The following NKD1 variants were observed in gnomAD, a reference collection of about 807,000 sequenced individuals.
NKD1 encodes NKD inhibitor of Wnt signaling pathway 1.
A neutral mutation model predicts 56.0 loss-of-function variants in NKD1; 21 were observed. The ratio of observed to expected loss-of-function variants is 0.38; its 90% CI spans 0.27 to 0.54. The LOEUF (loss-of-function observed/expected upper bound fraction) is 0.54. Ranked by LOEUF, NKD1 falls within the 20% of genes least tolerant of loss-of-function variation. The probability of loss-of-function intolerance (pLI) is 0.82; values close to 1 mark genes in which losing one functional copy is unlikely to be tolerated. For synonymous variants in NKD1, 263 were observed against 265.7 expected (o/e 0.99, Z 0.10); for missense variants, 578 against 642.7 (o/e 0.90, Z 1.09).
In NKD1 at chr16:50,598,567, G is replaced by A. The variant is rs1961527244; in HGVS notation, c.193-9727G>A. Among the ~76,000 whole-genome samples the A allele has an allele frequency of 6.6e-6, 1 of 152,158 alleles. No homozygotes were observed. ...CAGCCTGGCTCAGGGCCACCCTGTC[G>A]GCAGGTCACACGTGCTAGACCCTGG... On this transcript the variant is annotated intron_variant, in intron 3 of 9. Coordinates refer to ENST00000268459, the MANE Select transcript of NKD1 (RefSeq NM_033119.5). This position sits in a 1 kb window ranked among gnomAD's most constrained non-coding sequence, Gnocchi z 4.2.
intron 3 of NKD1, among the ~76,000 whole-genome samples, chr16:50,562,988 C>CG (rs1404868792): frequency 9.8e-6 from 1 of 101,844 alleles, no homozygotes; most frequent in Non-Finnish European, 2.0e-5. Context: ...CCACCACCAC[C>CG]CCCCCCCCCC....
chr16:50,625,263 C>A, intron 5 of NKD1: 1 of 585,464 alleles, frequency 1.7e-6, no homozygotes. Context: ...ACCAGGCACC[C>A]CTGCAGGCAT....
At chr16:50,573,869 C>CG (rs1960937487) in intron 3 of NKD1, 2 of 985,044 alleles carry the variant, frequency 2.0e-6, no homozygotes, top group Admixed American at 1.2e-4. Flanking sequence ...GGAGCAGGGG[C>CG]GGGGGTGAGG....
intron 4 of NKD1, among the ~76,000 whole-genome samples, chr16:50,621,369 G>A (rs1002624273): frequency 1.3e-5 from 2 of 152,232 alleles, no homozygotes; most frequent in African/African-American, 2.4e-5. Context: ...GTGGGGGCCT[G>A]AGGGGGCCCC....
chr16:50,568,653 T>C (rs554071884), intron 3 of NKD1, among the ~76,000 whole-genome samples: 42 of 152,328 alleles, frequency 2.8e-4, no homozygotes, highest in African/African-American at 9.1e-4. Context: ...GCCGGCGCAC[T>C]GGGAGGTTTG....
At position 50,623,951 on chromosome 16, in the gene NKD1, G is replaced by T. The variant is rs1277993967; in HGVS notation, c.367-1534G>T. Among the ~76,000 whole-genome samples, 1 of 152,104 alleles carries T rather than the reference G, an allele frequency of 6.6e-6. No individual in the cohort carries two copies. The highest frequency in any genetic ancestry group is 1.9e-4 in the East Asian group (1 of 5,188). ...GAGGGCCCTTGGCAGTTATCAAACG[G>T]GTGTGGCTGAAGCAAGGTTGGCTTT... On this transcript the variant is annotated intron_variant, in intron 5 of 9. Coordinates refer to ENST00000268459, the MANE Select transcript of NKD1 (RefSeq NM_033119.5). The surrounding 1 kb of genome is among the most constrained non-coding windows in gnomAD (Gnocchi z 4.1).
Position 50,598,267 on chromosome 16 carries a change from G to A in NKD1, c.193-10027G>A, listed in dbSNP as rs894727404. 5.9e-5 allele frequency among the ~76,000 whole-genome samples: 9 copies of A among 151,678 alleles called. No homozygotes were observed. Among genetic ancestry groups the A allele is most frequent in the African/African-American group, 1.2e-4 (5 of 41,240 alleles). ...TGTGTGTGTGTGTGTGTGTGTGCGC[G>A]CACACCTGTGCTCATGGACACTCTT... On this transcript the variant is annotated intron_variant, in intron 3 of 9. Coordinates refer to ENST00000268459, the MANE Select transcript of NKD1 (RefSeq NM_033119.5). This position sits in a 1 kb window ranked among gnomAD's most constrained non-coding sequence, Gnocchi z 4.2.
chr16:50,563,441 C>A (rs974753283), intron 3 of NKD1, among the ~76,000 whole-genome samples: 2 of 148,720 alleles, frequency 1.3e-5, no homozygotes, highest in African/African-American at 5.0e-5. Flanking sequence ...ATGGAGAAGA[C>A]CCTGTGTGTC....
In NKD1 at chr16:50,566,240, G is replaced by A. The variant is rs773719444; in HGVS notation, c.192+16685G>A. On this transcript the variant is annotated intron_variant, in intron 3 of 9. Transcript: ENST00000268459. The stretch of plus-strand genomic sequence containing the variant: ...TCTTGGCTTGTGTAACCAGGGAGTG[G>A]ACTTCAGTTACAGCTGGATCCACCA... The A allele has an allele frequency of 8.6e-4, 806 of 934,326 alleles. 1 individual carries two copies. The highest frequency in any genetic ancestry group is 1.0e-3 in the Non-Finnish European group (788 of 783,396). The allele number at this position is 934,326 out of a possible 1,614,324, so 57.9% of individuals were successfully genotyped here. A position where few individuals can be genotyped will look rare whatever the true frequency, so the allele number is the denominator to read the frequency against.
intron 3 of NKD1, among the ~76,000 whole-genome samples, chr16:50,562,674 A>C (rs1218267255): frequency 1.3e-5 from 2 of 152,176 alleles, no homozygotes; most frequent in Non-Finnish European, 2.9e-5. Flanking sequence ...AGCCTGAGTC[A>C]GAACCTTTCT....
intron 3 of NKD1, among the ~76,000 whole-genome samples, chr16:50,605,716 T>A (rs146889084): frequency 2.0e-5 from 3 of 152,354 alleles, no homozygotes; most frequent in Non-Finnish European, 4.4e-5. Flanking sequence ...ACCATTTATA[T>A]AAGGGACTTG....
chr16:50,556,265 GC>G lies in NKD1; in HGVS notation c.192+6713del. 3.3e-5 allele frequency: 5 copies of G among 152,464 alleles called. 1 individual carries two copies. The highest frequency in any genetic ancestry group is 3.3e-4 in the Admixed American group (5 of 15,308). The allele number at this position is 152,464 out of a possible 1,614,324, so 9.4% of individuals were successfully genotyped here. On this transcript the variant is annotated intron_variant, in intron 3 of 9. Coordinates refer to ENST00000268459, the MANE Select transcript of NKD1 (RefSeq NM_033119.5). ...CCTGGTGATGCTGCGCTCCTGCCAAGCCCAGGTGGGGTGGAGAACCTTTTCT... is the reference window on the plus strand; with the variant it reads ...CCTGGTGATGCTGCGCTCCTGCCAAGCCAGGTGGGGTGGAGAACCTTTTCT...
At chr16:50,618,654 G>C (rs975628113) in intron 4 of NKD1, among the ~76,000 whole-genome samples, 1 of 152,256 alleles carries the variant, frequency 6.6e-6, no homozygotes, top group Non-Finnish European at 1.5e-5. Flanking sequence ...GGTGGGGATA[G>C]AGAGTGCTGA....
At chr16:50,618,901 G>C (rs983614904) in intron 4 of NKD1, among the ~76,000 whole-genome samples, 1 of 152,202 alleles carries the variant, frequency 6.6e-6, no homozygotes, top group Non-Finnish European at 1.5e-5. Flanking sequence ...CTTCAGGTGA[G>C]GAGAAAGGAA....
chr16:50,624,972 A>T (rs986760647), intron 5 of NKD1, among the ~76,000 whole-genome samples: 14 of 152,124 alleles, frequency 9.2e-5, no homozygotes, highest in Admixed American at 2.6e-4. Flanking sequence ...CATTTTCCAT[A>T]ATGTATACAA....
intron 5 of NKD1, among the ~76,000 whole-genome samples, chr16:50,624,409 T>A (rs1184491046): frequency 1.3e-5 from 2 of 152,224 alleles, no homozygotes; most frequent in African/African-American, 4.8e-5. Flanking sequence ...GTTTCATTGA[T>A]TATTGATTGA....
chr16:50,553,428 C>A (rs867890799), intron 3 of NKD1: 1 of 152,216 alleles, frequency 6.6e-6, no homozygotes, highest in African/African-American at 2.4e-5. Flanking sequence ...GGCTGCCAGG[C>A]AGTTTGGTAA....
intron 3 of NKD1, among the ~76,000 whole-genome samples, chr16:50,567,245 G>A (rs1280712506): frequency 6.6e-6 from 1 of 152,198 alleles, no homozygotes; most frequent in East Asian, 1.9e-4. Flanking sequence ...TGAAGTGTTA[G>A]CATGCAGTGA....
intron 6 of NKD1, among the ~76,000 whole-genome samples, chr16:50,629,344 A>G (rs555017928): frequency 1.3e-5 from 2 of 152,284 alleles, no homozygotes; most frequent in South Asian, 2.1e-4. Context: ...CTTACTCCGA[A>G]TACAATCACA....
Sources: allele counts gnomAD v4.1 joint callset (sites outside exome capture counted in the v4.1 genomes callset), GRCh38; gene constraint gnomAD v4.1.1; non-coding constraint Gnocchi (gnomAD v3.1); transcripts MANE v1.5; gene names NCBI Gene and HGNC (gene_info 2026-07-23, HGNC 2026-07-21).